Variants in PDSS2 observed in about 807,000 individuals in gnomAD.
PDSS2 encodes the protein all trans-polyprenyl-diphosphate synthase PDSS2.
In PDSS2, 31 loss-of-function variants were observed where a neutral mutation model predicts 44.5. That is an observed-to-expected ratio of 0.70 (90% CI 0.52 to 0.94). The LOEUF (loss-of-function observed/expected upper bound fraction) is 0.94, where lower values mean the gene tolerates loss of function less well. PDSS2 is among the 40% of genes least tolerant of loss of function. The pLI, the probability that PDSS2 is intolerant of heterozygous loss-of-function variation, is 0.00. For missense variants in PDSS2, 452 were observed against 482.2 expected (o/e 0.94, Z 0.59); for synonymous variants, 157 against 180.3 (o/e 0.87, Z 1.03).
intron 1 of PDSS2, among the ~76,000 whole-genome samples, chr6:107,442,219 C>A (rs1293650061): frequency 6.6e-6 from 1 of 152,158 alleles, no homozygotes; most frequent in African/African-American, 2.4e-5. Flanking sequence ...GAGTTCAAGA[C>A]CAGCCTGACC....
rs140491503 is a variant in PDSS2 at position 107,245,505 on chromosome 6, G to A, written c.702+43C>T. The stretch of plus-strand genomic sequence containing the variant: ...ATTTTCGTTATTCTAGTTGTACCAC[G>A]ACGGTTTATAACATAACATTTTATG... On this transcript the variant is annotated intron_variant, in intron 4 of 7. Coordinates refer to ENST00000369037, the MANE Select transcript of PDSS2 (RefSeq NM_020381.4). 2.9e-4 allele frequency: 288 copies of A among 977,946 alleles called. 1 individual carries two copies. The highest frequency in any genetic ancestry group is 3.3e-4 in the Non-Finnish European group (211 of 645,602). 60.6% of individuals were successfully genotyped at this position (977,946 alleles called of 1,614,324 possible).
chr6:107,194,749 C>T (rs1270278632), intron 6 of PDSS2, among the ~76,000 whole-genome samples: 2 of 151,944 alleles, frequency 1.3e-5, no homozygotes, highest in Non-Finnish European at 2.9e-5. Context: ...GTCAGGAGTT[C>T]GAGACAGCCT....
At chr6:107,456,850 A>G (rs2039637624) in intron 1 of PDSS2, among the ~76,000 whole-genome samples, 1 of 152,204 alleles carries the variant, frequency 6.6e-6, no homozygotes, top group South Asian at 2.1e-4. Flanking sequence ...ACCCCTGGTA[A>G]TTTTGAAAAG....
In PDSS2 at chr6:107,274,140, T is replaced by C; in HGVS notation, c.519A>G (p.Ser173=). The part of the protein sequence containing the change: ...RGIVNLNELQ[S]SDGPLKDMQF... ...GCATGTCTTTCAGTGGACCATCAGA[T>C]GATTGCAACTCATTTAAATTTACTA... is the stretch of plus-strand genomic sequence containing the variant. The change falls in exon 3 of 8, where the codon TCA becomes TCG. Residue 173 remains serine, a synonymous_variant. Transcript: ENST00000369037. 6.2e-7 allele frequency: 1 copy of C among 1,613,708 alleles called. No homozygotes were observed. The highest frequency in any genetic ancestry group is 8.5e-7 in the Non-Finnish European group (1 of 1,179,580).
rs1050513287 is a variant in PDSS2 at position 107,274,241 on chromosome 6, G to T, written c.432-14C>A. Reference sequence around the variant, plus strand: ...AAACTTCTTTGACTAAAACATAAAGGTAAGATTTGTTAGAATATCAAGAAC... The same window carrying T: ...AAACTTCTTTGACTAAAACATAAAGTTAAGATTTGTTAGAATATCAAGAAC... On this transcript the variant is annotated splice_polypyrimidine_tract_variant and intron_variant, in intron 2 of 7. Coordinates refer to ENST00000369037, the MANE Select transcript of PDSS2 (RefSeq NM_020381.4). 1.6e-5 allele frequency: 25 copies of T among 1,590,414 alleles called. No individual in the cohort carries two copies. The African/African-American group carries it at 2.8e-4, about 18-fold the overall frequency.
At chr6:107,205,352 T>C (rs900553922) in intron 6 of PDSS2, among the ~76,000 whole-genome samples, 9 of 152,202 alleles carry the variant, frequency 5.9e-5, no homozygotes, top group Admixed American at 3.9e-4. Flanking sequence ...AGGTGACTTA[T>C]AGTGGCAGCA....
chr6:107,189,037 G>A (rs887227643), intron 7 of PDSS2, among the ~76,000 whole-genome samples: 1 of 152,132 alleles, frequency 6.6e-6, no homozygotes, highest in African/African-American at 2.4e-5. Context: ...AGGCTCCTGA[G>A]TAGCCAGGAC....
intron 7 of PDSS2, among the ~76,000 whole-genome samples, chr6:107,173,175 C>T (rs1771648114): frequency 6.6e-6 from 1 of 150,696 alleles, no homozygotes; most frequent in Non-Finnish European, 1.5e-5. Flanking sequence ...TTTAGTCCTT[C>T]ATGAATAAGG....
Position 107,211,369 on chromosome 6 carries a change from A to G in PDSS2, c.876+740T>C, listed in dbSNP as rs1343462964. Among the ~76,000 whole-genome samples, 4 of 152,242 alleles carry G rather than the reference A, an allele frequency of 2.6e-5. No individual in the cohort carries two copies. In the East Asian group the frequency reaches 7.7e-4, roughly 29 times the overall value. On this transcript the variant is annotated intron_variant, in intron 5 of 7. Coordinates refer to ENST00000369037, the MANE Select transcript of PDSS2 (RefSeq NM_020381.4). ...CCCATTCAAAGAATTAGTTATTAAA[A>G]TTAAAGCTTTCAATTTTATTCACTA...
At chr6:107,260,746 C>T (rs1235578375) in intron 3 of PDSS2, among the ~76,000 whole-genome samples, 1 of 149,408 alleles carries the variant, frequency 6.7e-6, no homozygotes, top group Admixed American at 6.7e-5. Context: ...TCACTGCAAG[C>T]TCCACCTCCC....
intron 1 of PDSS2, among the ~76,000 whole-genome samples, chr6:107,436,204 C>T (rs145908123): frequency 2.6e-5 from 4 of 152,160 alleles, no homozygotes; most frequent in Non-Finnish European, 5.9e-5. Context: ...TAATGGGCCT[C>T]TAAGGTGTTT....
intron 3 of PDSS2, among the ~76,000 whole-genome samples, chr6:107,267,585 TTTC>T (rs1562420980): frequency 7.2e-6 from 1 of 139,690 alleles, no homozygotes; most frequent in East Asian, 2.1e-4. Context: ...TCAGATTCTC[TTTC>T]TTTTTTTTTT....
At chr6:107,244,838 G>A in intron 4 of PDSS2, among the ~76,000 whole-genome samples, 1 of 152,112 alleles carries the variant, frequency 6.6e-6, no homozygotes, top group South Asian at 2.1e-4. Context: ...TTAGAATAAT[G>A]AAACACTAAG....
chr6:107,385,792 T>A (rs1779594172), intron 1 of PDSS2, among the ~76,000 whole-genome samples: 1 of 151,924 alleles, frequency 6.6e-6, no homozygotes, highest in Non-Finnish European at 1.5e-5. Context: ...TTTCCTCAAA[T>A]CTGTTTCCAG....
intron 2 of PDSS2, among the ~76,000 whole-genome samples, chr6:107,328,857 T>A (rs1777629414): frequency 6.6e-6 from 1 of 152,250 alleles, no homozygotes; most frequent in Admixed American, 6.5e-5. Flanking sequence ...TTTGTCCCAC[T>A]GAACACCTAG....
At chr6:107,248,841 T>C (rs1774718454) in intron 3 of PDSS2, among the ~76,000 whole-genome samples, 1 of 152,260 alleles carries the variant, frequency 6.6e-6, no homozygotes, top group African/African-American at 2.4e-5. Context: ...TGTCTTCACA[T>C]GAACCTTTCC....
intron 4 of PDSS2, chr6:107,229,701 T>A (rs1250384659): frequency 6.6e-6 from 1 of 152,192 alleles, no homozygotes; most frequent in Non-Finnish European, 1.5e-5. Context: ...TGTACAATAA[T>A]GTCTACATAT....
At chr6:107,344,995 C>T (rs1372636455) in intron 1 of PDSS2, among the ~76,000 whole-genome samples, 3 of 151,958 alleles carry the variant, frequency 2.0e-5, no homozygotes, top group Non-Finnish European at 4.4e-5. Flanking sequence ...TACATCTAAG[C>T]CCCTTGGGTT....
At chr6:107,411,800 G>A (rs1780502350) in intron 1 of PDSS2, among the ~76,000 whole-genome samples, 1 of 151,626 alleles carries the variant, frequency 6.6e-6, no homozygotes, top group African/African-American at 2.4e-5. Flanking sequence ...AGCATCTATG[G>A]ATGTTAGTAT....
Sources: gnomAD v4.1 joint callset for allele counts (sites outside exome capture counted in the v4.1 genomes callset) on GRCh38, gnomAD v4.1.1 for gene constraint, MANE v1.5 for transcripts, NCBI Gene and HGNC (gene_info 2026-07-23, HGNC 2026-07-21) for gene names.